The following OR6C74 variants were observed in gnomAD, a reference collection of about 807,000 sequenced individuals.
OR6C74 encodes the protein olfactory receptor 6C74.
For synonymous variants in OR6C74, 142 were observed against 134.2 expected (o/e 1.06, Z -0.40); for missense variants, 361 against 362.9 (o/e 0.99, Z 0.04).
Position 55,249,498 on chromosome 12 carries a change from G to C in OR6C74, c.*1272G>C, listed in dbSNP as rs1355099639. On this transcript the variant is annotated 3_prime_UTR_variant, in exon 2 of 2. Coordinates refer to ENST00000343399, the MANE Select transcript of OR6C74 (RefSeq NM_001005490.2). ...TGTATATAACTTTGTCATATCCCCAGGCTAGCAAGAAATTTTATTTGAATT... is the reference window on the plus strand; with the variant it reads ...TGTATATAACTTTGTCATATCCCCACGCTAGCAAGAAATTTTATTTGAATT... Among the ~76,000 whole-genome samples the C allele has an allele frequency of 6.6e-6, 1 of 151,676 alleles. No individual in the cohort carries two copies. Among genetic ancestry groups the C allele is most frequent in the African/African-American group, 2.4e-5 (1 of 41,312 alleles).
At position 55,254,299 on chromosome 12, in the gene OR6C74, TG is replaced by T. The variant is rs1472387294; in HGVS notation, c.*6074del. Among the ~76,000 whole-genome samples the T allele has an allele frequency of 2.0e-5, 3 of 152,094 alleles. No homozygotes were observed. Among genetic ancestry groups the T allele is most frequent in the African/African-American group, 7.2e-5 (3 of 41,436 alleles). On this transcript the variant is annotated 3_prime_UTR_variant, in exon 2 of 2. Coordinates refer to ENST00000343399, the MANE Select transcript of OR6C74 (RefSeq NM_001005490.2). Reference sequence around the variant, plus strand: ...TCTCCAGTTACATAGCTAAGGGGTATGTAAGTAAATTGCATACAATAAAGCT... The same window carrying T: ...TCTCCAGTTACATAGCTAAGGGGTATTAAGTAAATTGCATACAATAAAGCT...
rs1043733080 is a variant in OR6C74 at position 55,248,877 on chromosome 12, G to T, written c.*651G>T. Among the ~76,000 whole-genome samples, 1 of 152,142 alleles carries T rather than the reference G, an allele frequency of 6.6e-6. No homozygotes were observed. The highest frequency in any genetic ancestry group is 1.5e-5 in the Non-Finnish European group (1 of 68,020). On this transcript the variant is annotated 3_prime_UTR_variant, in exon 2 of 2. Coordinates refer to ENST00000343399, the MANE Select transcript of OR6C74 (RefSeq NM_001005490.2). The stretch of plus-strand genomic sequence containing the variant: ...ATTGATTGCTTACAATGTGCCAGAT[G>T]TTATTAAATTTATTAGTTCCATCTT...
intron 1 of OR6C74, 56 bp from the exon 2 acceptor site, chr12:55,247,223 T>A (rs1954275652): frequency 3.1e-6 from 3 of 964,040 alleles, no homozygotes; most frequent in Admixed American, 4.8e-5. Context: ...AAAATGGGTA[T>A]CTCATGCAGA....
chr12:55,252,421 TG>T lies in OR6C74; in HGVS notation c.*4196del, dbSNP rs200392878. Among the ~76,000 whole-genome samples the T allele has an allele frequency of 2.6e-5, 4 of 151,806 alleles. No homozygotes were observed. The highest frequency in any genetic ancestry group is 9.7e-5 in the African/African-American group (4 of 41,374). On this transcript the variant is annotated 3_prime_UTR_variant, in exon 2 of 2. Transcript: ENST00000343399. ...TCCCATTCAAATATGCTTTTTTTTT[TG>T]AAATTGACTACATTAATGTTAATCA...
At chr12:55,246,615 T>A (rs1214826341) in intron 1 of OR6C74, among the ~76,000 whole-genome samples, 1 of 152,178 alleles carries the variant, frequency 6.6e-6, no homozygotes, top group Non-Finnish European at 1.5e-5. Context: ...AGAGTTTATA[T>A]CTGCTTGAGT....
rs1954260177 is a variant in OR6C74 at position 55,244,725 on chromosome 12, C to CTT, written c.-102_-101insTT. On this transcript the variant is annotated 5_prime_UTR_variant, in exon 1 of 2. An upstream open reading frame in the 5' UTR gains an earlier in-frame stop. Transcript: ENST00000343399. ...GTATATATAGAAGAGATATGATAAA[C>CTT]ATAGAGGTAGATATATGCTCCAAAT... 7.2e-6 allele frequency among the ~76,000 whole-genome samples: 1 copy of CTT among 138,884 alleles called. No individual in the cohort carries two copies. Among genetic ancestry groups the CTT allele is most frequent in the South Asian group, 2.4e-4 (1 of 4,082 alleles). 91.1% of individuals were successfully genotyped at this position (138,884 alleles called of 152,430 possible).
intron 1 of OR6C74, among the ~76,000 whole-genome samples, chr12:55,245,276 T>C (rs1240186350): frequency 6.6e-6 from 1 of 152,178 alleles, no homozygotes; most frequent in Non-Finnish European, 1.5e-5. Context: ...CTTTGCAACA[T>C]ACAATTGAAT....
Position 55,255,428 on chromosome 12 carries a change from C to T in OR6C74, c.*7202C>T, listed in dbSNP as rs1327852601. ...GAACTAGAAATACCATTTGACCCAG[C>T]AATCCCATTACTGGGTATATACCCA... On this transcript the variant is annotated 3_prime_UTR_variant, in exon 2 of 2. Transcript: ENST00000343399. Among the ~76,000 whole-genome samples, 1 of 152,124 alleles carries T rather than the reference C, an allele frequency of 6.6e-6. No homozygotes were observed. The highest frequency in any genetic ancestry group is 1.5e-5 in the Non-Finnish European group (1 of 68,004).
At position 55,252,665 on chromosome 12, in the gene OR6C74, CT is replaced by C. The variant is rs1954318886; in HGVS notation, c.*4444del. 6.6e-6 allele frequency among the ~76,000 whole-genome samples: 1 copy of C among 151,820 alleles called. No homozygotes were observed. Among genetic ancestry groups the C allele is most frequent in the African/African-American group, 2.4e-5 (1 of 41,394 alleles). ...TCAACTTTCTTTTGATAATGGGTTA[CT>C]TTTTCCCATATTTTTAAAACACCAT... On this transcript the variant is annotated 3_prime_UTR_variant, in exon 2 of 2. Transcript: ENST00000343399.
rs1474683061 is a variant in OR6C74, at chr12:55,250,756, G to A, written c.*2530G>A. ...ACCAACTGTTTTTCACCAGTATTAG[G>A]TTGGCGCAAAAGGAATTGCAGTTTC... On this transcript the variant is annotated 3_prime_UTR_variant, in exon 2 of 2. Coordinates refer to ENST00000343399, the MANE Select transcript of OR6C74 (RefSeq NM_001005490.2). Among the ~76,000 whole-genome samples, 1 of 151,990 alleles carries A rather than the reference G, an allele frequency of 6.6e-6. No homozygotes were observed. Among genetic ancestry groups the A allele is most frequent in the Non-Finnish European group, 1.5e-5 (1 of 67,992 alleles).
At position 55,255,918 on chromosome 12, in the gene OR6C74, A is replaced by G. The variant is rs1954341133; in HGVS notation, c.*7692A>G. 6.6e-6 allele frequency among the ~76,000 whole-genome samples: 1 copy of G among 152,140 alleles called. No individual in the cohort carries two copies. The highest frequency in any genetic ancestry group is 2.4e-5 in the African/African-American group (1 of 41,442). ...TGTTGGAGTAAGGATTAAACGAGGA[A>G]GCATAGGGAATCTTTGGTTAGGGTA... On this transcript the variant is annotated 3_prime_UTR_variant, in exon 2 of 2. Coordinates refer to ENST00000343399, the MANE Select transcript of OR6C74 (RefSeq NM_001005490.2).
In OR6C74 at chr12:55,250,344, T is replaced by G. The variant is rs1273988649; in HGVS notation, c.*2118T>G. The stretch of plus-strand genomic sequence containing the variant: ...AAATCATTGAATGTATATTAAAAAC[T>G]TTTTCTCCCCTTTTTTAATCCAAAA... On this transcript the variant is annotated 3_prime_UTR_variant, in exon 2 of 2. Coordinates refer to ENST00000343399, the MANE Select transcript of OR6C74 (RefSeq NM_001005490.2). 1.3e-5 allele frequency among the ~76,000 whole-genome samples: 2 copies of G among 150,602 alleles called. No homozygotes were observed. Among genetic ancestry groups the G allele is most frequent in the East Asian group, 3.9e-4 (2 of 5,180 alleles).
chr12:55,250,966 C>T lies in OR6C74; in HGVS notation c.*2740C>T, dbSNP rs1342870652. Among the ~76,000 whole-genome samples, 1 of 152,000 alleles carries T rather than the reference C, an allele frequency of 6.6e-6. No individual in the cohort carries two copies. The highest frequency in any genetic ancestry group is 6.6e-5 in the Admixed American group (1 of 15,228). Reference sequence around the variant, plus strand: ...TGCCTTTGATCTCTAACTCATCCTCCACATTGCTAGTAGGATACTTTCTAA... The same window carrying T: ...TGCCTTTGATCTCTAACTCATCCTCTACATTGCTAGTAGGATACTTTCTAA... On this transcript the variant is annotated 3_prime_UTR_variant, in exon 2 of 2. Transcript: ENST00000343399.
chr12:55,251,649 G>A lies in OR6C74; in HGVS notation c.*3423G>A, dbSNP rs1954312116. ...AATATGAAAAAAAAATTAGGTGTTA[G>A]AAAACTACAAGTTTACTATAAATAT... On this transcript the variant is annotated 3_prime_UTR_variant, in exon 2 of 2. Transcript: ENST00000343399. Among the ~76,000 whole-genome samples the A allele has an allele frequency of 6.6e-6, 1 of 151,758 alleles. No homozygotes were observed. Among genetic ancestry groups the A allele is most frequent in the Admixed American group, 6.6e-5 (1 of 15,216 alleles).
At position 55,247,488 on chromosome 12, in the gene OR6C74, A is replaced by G. The variant is rs994808261; in HGVS notation, c.201A>G (p.Leu67=). The stretch of plus-strand genomic sequence containing the variant: ...TCTTCCTCCGAAATTTCTCATTTTT[A>G]GAAGTCTCATTCACAACTGTCTACA... The part of the protein sequence containing the change: ...MYFFLRNFSF[L]EVSFTTVYIP... The change falls in exon 2 of 2, where the codon TTA becomes TTG. Residue 67 remains leucine (L), a synonymous_variant. Transcript: ENST00000343399. 1.2e-6 allele frequency: 2 copies of G among 1,613,840 alleles called. No individual in the cohort carries two copies. Among genetic ancestry groups the G allele is most frequent in the Non-Finnish European group, 1.7e-6 (2 of 1,179,844 alleles).
At position 55,248,219 on chromosome 12, in the gene OR6C74, T is replaced by C; in HGVS notation, c.932T>C (p.Met311Thr). 1 of 1,586,852 alleles carries C rather than the reference T, an allele frequency of 6.3e-7. No individual in the cohort carries two copies. The highest frequency in any genetic ancestry group is 8.6e-7 in the Non-Finnish European group (1 of 1,157,808). ...HTVKKIELFS[M>T]K Reference sequence around the variant, plus strand: ...GTCAAAAAGATTGAACTTTTCTCAATGAAATGAATCACTTTAACGATATTA... The same window carrying C: ...GTCAAAAAGATTGAACTTTTCTCAACGAAATGAATCACTTTAACGATATTA... The change falls in exon 2 of 2, where the codon ATG becomes ACG. Residue 311 changes from methionine to threonine, a missense_variant. By Grantham distance (81) the Met-to-Thr change is moderately conservative. Coordinates refer to ENST00000343399, the MANE Select transcript of OR6C74 (RefSeq NM_001005490.2).
chr12:55,255,979 A>G lies in OR6C74; in HGVS notation c.*7753A>G, dbSNP rs1954341620. On this transcript the variant is annotated 3_prime_UTR_variant, in exon 2 of 2. Transcript: ENST00000343399. Reference sequence around the variant, plus strand: ...TCTATATAGTAATGTAAAGATGAATACATAATGTAGGGAGACCCCCTGAAA... The same window carrying G: ...TCTATATAGTAATGTAAAGATGAATGCATAATGTAGGGAGACCCCCTGAAA... 6.6e-6 allele frequency among the ~76,000 whole-genome samples: 1 copy of G among 152,006 alleles called. No homozygotes were observed. Among genetic ancestry groups the G allele is most frequent in the South Asian group, 2.1e-4 (1 of 4,824 alleles).
At position 55,249,447 on chromosome 12, in the gene OR6C74, A is replaced by G. The variant is rs1401140932; in HGVS notation, c.*1221A>G. ...TTTCTGACTTATAAAATTATTATAT[A>G]CATTTTATCTTAATGTATTTCCAAG... On this transcript the variant is annotated 3_prime_UTR_variant, in exon 2 of 2. Transcript: ENST00000343399. 6.6e-6 allele frequency among the ~76,000 whole-genome samples: 1 copy of G among 152,082 alleles called. No individual in the cohort carries two copies. The highest frequency in any genetic ancestry group is 6.6e-5 in the Admixed American group (1 of 15,256).
chr12:55,251,660 G>A lies in OR6C74; in HGVS notation c.*3434G>A, dbSNP rs1954312157. On this transcript the variant is annotated 3_prime_UTR_variant, in exon 2 of 2. Transcript: ENST00000343399. ...AAAATTAGGTGTTAGAAAACTACAA[G>A]TTTACTATAAATATGGAGTGTTTAT... is the stretch of plus-strand genomic sequence containing the variant. Among the ~76,000 whole-genome samples the A allele has an allele frequency of 1.3e-5, 2 of 151,800 alleles. No individual in the cohort carries two copies. The highest frequency in any genetic ancestry group is 2.4e-5 in the African/African-American group (1 of 41,472).
Sources: gnomAD v4.1 joint callset for allele counts (sites outside exome capture counted in the v4.1 genomes callset) on GRCh38, gnomAD v4.1.1 for gene constraint, MANE v1.5 for transcripts, NCBI Gene and HGNC (gene_info 2026-07-23, HGNC 2026-07-21) for gene names.